Variants in TMEM61 observed in about 807,000 individuals in gnomAD.
The protein encoded by TMEM61 is transmembrane protein 61.
Under a neutral mutation model 12.0 loss-of-function variants are expected in TMEM61, and 13 were observed. The observed-to-expected ratio is 1.08, with a 90% confidence interval of 0.70 to 1.72. TMEM61 has a LOEUF of 1.72. TMEM61 is among the 40% of genes most tolerant of loss of function. The pLI, the probability that TMEM61 is intolerant of heterozygous loss-of-function variation, is 0.00. For synonymous variants in TMEM61, 109 were observed against 121.4 expected (o/e 0.90, Z 0.67); for missense variants, 249 against 276.9 (o/e 0.90, Z 0.71).
rs145765823 is a variant in TMEM61 at position 54,985,920 on chromosome 1, A to C, written c.16-177A>C. Among the ~76,000 whole-genome samples, 1,063 of 152,346 alleles carry C rather than the reference A, an allele frequency of 7.0e-3. 43 individuals carry two copies. Among genetic ancestry groups the C allele is most frequent in the Non-Finnish European group, 3.0e-3 (207 of 68,028 alleles). On this transcript the variant is annotated intron_variant, in intron 1 of 2. Transcript: ENST00000371268. ...TACATGTTTACCTCTGACCTTCAGA[A>C]TAGCCCGGCAAAGTCAGGGGCATCA...
chr1:54,986,309 A>G lies in TMEM61; in HGVS notation c.228A>G (p.Ala76=), dbSNP rs769436044. The change falls in exon 2 of 3, where the codon GCA becomes GCG. Residue 76 remains alanine (A), a synonymous_variant. Coordinates refer to ENST00000371268, the MANE Select transcript of TMEM61 (RefSeq NM_182532.3). ...CCGTCAGCTTCGTCTGCTGCGGTGC[A>G]GGTGGCCTGCTGCTGCTCATTGGCC... The part of the protein sequence containing the change: ...LRSVSFVCCG[A]GGLLLLIGLL... The G allele has an allele frequency of 4.6e-5, 74 of 1,613,918 alleles. No homozygotes were observed. In the South Asian group the frequency reaches 7.8e-4, roughly 17 times the overall value.
rs1467159258 is a variant in TMEM61, at chr1:54,986,364, G to C, written c.283G>C (p.Gly95Arg). Residue 95 changes from glycine (G) to arginine (R), a missense_variant, in exon 2 of 3, where the codon GGG (glycine) becomes CGG (arginine). Coordinates refer to ENST00000371268, the MANE Select transcript of TMEM61 (RefSeq NM_182532.3). ...GTGGTCCGTCAAGGCCAGCATCCCA[G>C]GGCCACCTCGATGGGACCCCTATCA... ...LLWSVKASIPGPPRWDPYHLS... is the reference protein window; with the variant it reads ...LLWSVKASIPRPPRWDPYHLS... 1 of 1,613,396 alleles carries C rather than the reference G, an allele frequency of 6.2e-7. No homozygotes were observed. Among genetic ancestry groups the C allele is most frequent in the East Asian group, 2.2e-5 (1 of 44,848 alleles).
At chr1:54,984,684 C>CG (rs1218364958) in intron 1 of TMEM61, among the ~76,000 whole-genome samples, 1 of 152,142 alleles carries the variant, frequency 6.6e-6, no homozygotes, top group Non-Finnish European at 1.5e-5. Context: ...GCTCACAGAC[C>CG]GGGGAGTGGG....
intron 2 of TMEM61, among the ~76,000 whole-genome samples, chr1:54,988,879 A>C (rs1644277450): frequency 1.3e-5 from 2 of 152,162 alleles, no homozygotes; most frequent in South Asian, 4.1e-4. Flanking sequence ...GGCCTCCAGT[A>C]GTCCCTGCTC....
At chr1:54,991,018 G>A (rs751476092) in intron 2 of TMEM61, among the ~76,000 whole-genome samples, 3 of 152,200 alleles carry the variant, frequency 2.0e-5, no homozygotes, top group African/African-American at 4.8e-5. Flanking sequence ...CAGGATCAGC[G>A]ACATTCCCAC....
rs771903210 is a variant in TMEM61 at position 54,986,105 on chromosome 1, C to T, written c.24C>T (p.Asp8=). 3.8e-5 allele frequency: 60 copies of T among 1,583,752 alleles called. No individual in the cohort carries two copies. The East Asian group carries it at 7.4e-4, about 20-fold the overall frequency. The part of the protein sequence containing the change: MALPQMC[D]GSHLASTLRY... Reference sequence around the variant, plus strand: ...TCCTTCTCTGTGTCCAGATGTGTGACGGGAGCCACTTGGCCTCCACCCTCC... The same window carrying T: ...TCCTTCTCTGTGTCCAGATGTGTGATGGGAGCCACTTGGCCTCCACCCTCC... Residue 8 remains aspartate (D), a synonymous_variant, in exon 2 of 3, where the codon GAC becomes GAT. Coordinates refer to ENST00000371268, the MANE Select transcript of TMEM61 (RefSeq NM_182532.3).
At chr1:54,982,430 T>A (rs1644229216) in intron 1 of TMEM61, among the ~76,000 whole-genome samples, 1 of 152,146 alleles carries the variant, frequency 6.6e-6, no homozygotes, top group Non-Finnish European at 1.5e-5. Flanking sequence ...AAACAACCAC[T>A]GCACAATGGA....
chr1:54,983,445 C>T (rs1407917985), intron 1 of TMEM61, among the ~76,000 whole-genome samples: 4 of 152,146 alleles, frequency 2.6e-5, no homozygotes, highest in African/African-American at 4.8e-5. Context: ...TTTTTATTCT[C>T]TTCTGTGGTT....
rs1296212080 is a variant in TMEM61, at chr1:54,980,905, G to T, written c.-161G>T. 1.9e-5 allele frequency: 13 copies of T among 688,504 alleles called. No homozygotes were observed. The highest frequency in any genetic ancestry group is 2.2e-5 in the Non-Finnish European group (10 of 454,352). 42.6% of individuals were successfully genotyped at this position (688,504 alleles called of 1,614,324 possible). A position where few individuals can be genotyped will look rare whatever the true frequency, so the allele number is the denominator to read the frequency against. On this transcript the variant is annotated 5_prime_UTR_variant, in exon 1 of 3. Coordinates refer to ENST00000371268, the MANE Select transcript of TMEM61 (RefSeq NM_182532.3). ...TTTTGCGGGCTGGGGAGCAGGGCTC[G>T]GGGGCAGCGGCCAGGCCCCTCCGCC...
At chr1:54,985,516 C>T (rs1644251685) in intron 1 of TMEM61, among the ~76,000 whole-genome samples, 1 of 152,204 alleles carries the variant, frequency 6.6e-6, no homozygotes, top group South Asian at 2.1e-4. Context: ...GGATTACAGG[C>T]GTGAGTCACT....
At chr1:54,985,278 C>A (rs1019374392) in intron 1 of TMEM61, among the ~76,000 whole-genome samples, 4 of 151,668 alleles carry the variant, frequency 2.6e-5, no homozygotes, top group African/African-American at 7.3e-5. Flanking sequence ...ACTCTTTTGC[C>A]CAGGCTGGAG....
At chr1:54,982,954 G>C (rs1195489503) in intron 1 of TMEM61, among the ~76,000 whole-genome samples, 1 of 152,102 alleles carries the variant, frequency 6.6e-6, no homozygotes, top group African/African-American at 2.4e-5. Context: ...ATGGTGCCCA[G>C]CCTGGTAAAT....
rs1644254889 is a variant in TMEM61, at chr1:54,985,978, A to G, written c.16-119A>G. On this transcript the variant is annotated intron_variant, in intron 1 of 2. Coordinates refer to ENST00000371268, the MANE Select transcript of TMEM61 (RefSeq NM_182532.3). ...TTCACAGATGAGGAAACTGAGGCCC[A>G]GAGGAGTTAAGTGACTTCTCCAAGG... The G allele has an allele frequency of 1.6e-5, 14 of 848,570 alleles. No homozygotes were observed. The South Asian group carries it at 2.2e-4, about 13-fold the overall frequency. The allele number at this position is 848,570 out of a possible 1,614,324, so 52.6% of individuals were successfully genotyped here.
Position 54,980,805 on chromosome 1 carries a change from C to T in TMEM61, c.-261C>T. On this transcript the variant is annotated 5_prime_UTR_variant, in exon 1 of 3. Transcript: ENST00000371268. ...GCGCCGGGGTGAGGCCTGGCTCGGT[C>T]CCTGCGCACCGGGTGCGGGCGGCGG... 2.6e-6 allele frequency: 1 copy of T among 379,412 alleles called. No homozygotes were observed. Among genetic ancestry groups the T allele is most frequent in the Non-Finnish European group, 4.7e-6 (1 of 214,244 alleles). 23.5% of individuals were successfully genotyped at this position (379,412 alleles called of 1,614,324 possible).
At chr1:54,988,200 G>T (rs1644273025) in intron 2 of TMEM61, among the ~76,000 whole-genome samples, 1 of 152,236 alleles carries the variant, frequency 6.6e-6, no homozygotes. Context: ...TTGGAACCAG[G>T]CCAGGCCCCA....
chr1:54,992,107 C>T lies in TMEM61; in HGVS notation c.*4C>T. 1 of 1,608,946 alleles carries T rather than the reference C, an allele frequency of 6.2e-7. No individual in the cohort carries two copies. Among genetic ancestry groups the T allele is most frequent in the Non-Finnish European group, 8.5e-7 (1 of 1,178,494 alleles). On this transcript the variant is annotated 3_prime_UTR_variant, in exon 3 of 3. Transcript: ENST00000371268. ...GACTGCACGGGGAGGAAGTTAAAGGCTCCTAGCAGGTCCTGAATCCAGAGA... is the reference window on the plus strand; with the variant it reads ...GACTGCACGGGGAGGAAGTTAAAGGTTCCTAGCAGGTCCTGAATCCAGAGA...
chr1:54,981,516 G>A (rs1644222291), intron 1 of TMEM61, among the ~76,000 whole-genome samples: 1 of 152,214 alleles, frequency 6.6e-6, no homozygotes, highest in Non-Finnish European at 1.5e-5. Context: ...TGCTTAGGAA[G>A]CTGAGGCAGG....
rs760344355 is a variant in TMEM61, at chr1:54,986,071, TCTTCTCCCTC to T, written c.16-19_16-10del. ...AGCACCTTTCATATGGCCCATTTCC[TCTTCTCCCTC>T]CTTCTCTGTGTCCAGATGTGTGACG... On this transcript the variant is annotated splice_polypyrimidine_tract_variant and intron_variant, in intron 1 of 2. Coordinates refer to ENST00000371268, the MANE Select transcript of TMEM61 (RefSeq NM_182532.3). 13 of 1,550,344 alleles carry T rather than the reference TCTTCTCCCTC, an allele frequency of 8.4e-6. No individual in the cohort carries two copies. Among genetic ancestry groups the T allele is most frequent in the Non-Finnish European group, 1.1e-5 (13 of 1,142,890 alleles).
chr1:54,986,461 G>T lies in TMEM61; in HGVS notation c.365+15G>T. ...GAGAGCTGCAGGTCAGCAGGGCGGGGTGTGGCAGCGGGTGGGGACTGCAGG... is the reference window on the plus strand; with the variant it reads ...GAGAGCTGCAGGTCAGCAGGGCGGGTTGTGGCAGCGGGTGGGGACTGCAGG... On this transcript the variant is annotated intron_variant, in intron 2 of 2. Coordinates refer to ENST00000371268, the MANE Select transcript of TMEM61 (RefSeq NM_182532.3). 1 of 1,535,212 alleles carries T rather than the reference G, an allele frequency of 6.5e-7. No homozygotes were observed. Among genetic ancestry groups the T allele is most frequent in the Non-Finnish European group, 8.8e-7 (1 of 1,135,674 alleles).
Sources: allele counts gnomAD v4.1 joint callset (sites outside exome capture counted in the v4.1 genomes callset), GRCh38; gene constraint gnomAD v4.1.1; transcripts MANE v1.5; gene names NCBI Gene and HGNC (gene_info 2026-07-23, HGNC 2026-07-21).